Variants in HK1 observed in about 807,000 individuals in gnomAD.
HK1 encodes hexokinase-1.
In HK1, 28 loss-of-function variants were observed where a neutral mutation model predicts 91.6. That is an observed-to-expected ratio of 0.31 (90% CI 0.23 to 0.42). HK1 has a LOEUF of 0.42. Among genes scored for constraint, HK1 ranks in the 10% least tolerant of loss-of-function variants. HK1 has a pLI of 1.00. For missense variants in HK1, 770 were observed against 1,219.8 expected (o/e 0.63, Z 5.49); for synonymous variants, 430 against 468.1 (o/e 0.92, Z 1.05).
chr10:69,373,598 T>C (rs1332696173), intron 7 of HK1, among the ~76,000 whole-genome samples: 1 of 151,806 alleles, frequency 6.6e-6, no homozygotes, highest in African/African-American at 2.4e-5. Context: ...GGTTTTTTTT[T>C]TTTTTTCTTT....
At chr10:69,353,423 T>C (rs1392535078) in intron 2 of HK1, among the ~76,000 whole-genome samples, 3 of 151,940 alleles carry the variant, frequency 2.0e-5, no homozygotes, top group Non-Finnish European at 4.4e-5. Context: ...ACCCTGTCAC[T>C]ACACAAAATA....
chr10:69,325,840 A>ATT (rs533964611), intron 1 of HK1, among the ~76,000 whole-genome samples: 82 of 134,174 alleles, frequency 6.1e-4, no homozygotes, highest in African/African-American at 2.1e-3. Context: ...TCTGGACTGC[A>ATT]TTTTTTTTTT....
chr10:69,288,839 T>G, intron 3 of HK1: 1 of 1,339,370 alleles, frequency 7.5e-7, no homozygotes, highest in Non-Finnish European at 1.1e-6. Context: ...CAGGCTGGAG[T>G]GTAGTGGCGC....
intron 2 of HK1, among the ~76,000 whole-genome samples, chr10:69,351,400 T>C (rs1352079346): frequency 1.3e-5 from 2 of 151,954 alleles, no homozygotes; most frequent in African/African-American, 2.4e-5. Context: ...TCCCAGCTAC[T>C]GGGGAGGCTG....
chr10:69,283,126 A>C lies in HK1; in HGVS notation c.-215+422A>C, dbSNP rs1388326958. Among the ~76,000 whole-genome samples the C allele has an allele frequency of 1.8e-4, 6 of 33,494 alleles. No individual in the cohort carries two copies. The East Asian group carries it at 3.0e-3, about 17-fold the overall frequency. The allele number at this position is 33,494 out of a possible 152,430, so 22.0% of individuals were successfully genotyped here. A position where few individuals can be genotyped will look rare whatever the true frequency, so the allele number is the denominator to read the frequency against. ...GTGACAAGAGCGAAACTCAGTTTCA[A>C]AAAAAAAAAAAAAAAAAAAATGAAT... is the stretch of plus-strand genomic sequence containing the variant. On this transcript the variant is annotated intron_variant, in intron 2 of 21. Coordinates refer to the HK1 transcript ENST00000360289.
At chr10:69,306,533 C>T (rs971411360) in intron 5 of HK1, among the ~76,000 whole-genome samples, 4 of 152,106 alleles carry the variant, frequency 2.6e-5, no homozygotes, top group African/African-American at 7.2e-5. Flanking sequence ...ACCCACAGTT[C>T]ACATGTGAAA....
At chr10:69,371,035 G>GAA (rs58374109) in intron 7 of HK1, among the ~76,000 whole-genome samples, 58,091 of 151,788 alleles carry the variant, frequency 0.38, 12,309 homozygotes, top group African/African-American at 0.56. Flanking sequence ...ATGCTAGAGG[G>GAA]ACAGGAATTT....
intron 13 of HK1, among the ~76,000 whole-genome samples, chr10:69,388,304 G>A (rs192373236): frequency 7.5e-4 from 114 of 152,166 alleles, no homozygotes; most frequent in Admixed American, 2.1e-3. Flanking sequence ...AAAATTAGCC[G>A]TCATAGTGGT....
intron 1 of HK1, among the ~76,000 whole-genome samples, chr10:69,334,068 G>A (rs1278483378): frequency 6.6e-6 from 1 of 152,054 alleles, no homozygotes; most frequent in Non-Finnish European, 1.5e-5. Flanking sequence ...CTGAGATTGC[G>A]CCACTGTACT....
intron 3 of HK1, 141 bp from the exon 4 acceptor site, chr10:69,364,642 G>A: frequency 9.5e-7 from 1 of 1,051,956 alleles, no homozygotes; most frequent in South Asian, 1.3e-5. Flanking sequence ...TTCAGACAGG[G>A]CCACCAGGTC....
intron 2 of HK1, among the ~76,000 whole-genome samples, chr10:69,358,863 C>CA (rs771610951): frequency 0.051 from 4,083 of 80,108 alleles, 106 homozygotes; most frequent in Middle Eastern, 0.17. Flanking sequence ...AGCTCTGTCT[C>CA]AAAAAAAAAA....
chr10:69,337,430 C>T (rs1372673692), intron 1 of HK1, among the ~76,000 whole-genome samples: 2 of 152,206 alleles, frequency 1.3e-5, no homozygotes, highest in African/African-American at 4.8e-5. Context: ...CTGCTTCCTG[C>T]GTGGCACTTG....
chr10:69,282,044 G>T (rs1025520171), intron 1 of HK1, among the ~76,000 whole-genome samples: 1 of 152,090 alleles, frequency 6.6e-6, no homozygotes, highest in Non-Finnish European at 1.5e-5. Flanking sequence ...AAGAATTAAG[G>T]CTCCAGGGCT....
In HK1 at chr10:69,388,383, T is replaced by A. The variant is rs138100729; in HGVS notation, c.1936-814T>A. Among the ~76,000 whole-genome samples the A allele has an allele frequency of 2.9e-4, 44 of 152,140 alleles. No homozygotes were observed. In the East Asian group the frequency reaches 8.5e-3, roughly 29 times the overall value. ...GATTACTTGAGCTTAGGAGGTTGAG[T>A]CTGCAGTGAGCCGTGGTTGCGGTAG... On this transcript the variant is annotated intron_variant, in intron 13 of 17. Transcript: ENST00000359426.
At chr10:69,362,005 TG>T (rs796676045) in intron 3 of HK1, among the ~76,000 whole-genome samples, 3 of 152,250 alleles carry the variant, frequency 2.0e-5, no homozygotes, top group African/African-American at 7.2e-5. Context: ...TTCGTAGAGA[TG>T]GGGTTTCTCC....
intron 4 of HK1, among the ~76,000 whole-genome samples, chr10:69,366,739 CCCTTTGGCAAGG>C (rs1422868623): frequency 1.3e-5 from 2 of 152,210 alleles, no homozygotes; most frequent in African/African-American, 2.4e-5. Context: ...TCCTTCCAAA[CCCTTTGGCAAGG>C]CCTGTTTTCA....
intron 2 of HK1, among the ~76,000 whole-genome samples, chr10:69,288,136 G>A (rs10823332): frequency 0.32 from 49,024 of 152,052 alleles, 8,672 homozygotes; most frequent in Middle Eastern, 0.44. Flanking sequence ...CCTGGTCAAC[G>A]GACTGAGACT....
At chr10:69,389,140 C>A in intron 13 of HK1, 57 bp from the exon 14 acceptor site, 1 of 1,332,234 alleles carries the variant, frequency 7.5e-7, no homozygotes, top group Non-Finnish European at 1.1e-6. Context: ...GAACCGGCAG[C>A]ATTCAAGCCA....
At chr10:69,393,515 T>G (rs1589587528) in intron 15 of HK1, among the ~76,000 whole-genome samples, 1 of 152,162 alleles carries the variant, frequency 6.6e-6, no homozygotes, top group Non-Finnish European at 1.5e-5. Context: ...CAGACTGGTC[T>G]CGAACTCCTG....
Sources: gnomAD v4.1 joint callset for allele counts (sites outside exome capture counted in the v4.1 genomes callset) on GRCh38, gnomAD v4.1.1 for gene constraint, MANE v1.5 for transcripts, NCBI Gene and HGNC (gene_info 2026-07-23, HGNC 2026-07-21) for gene names.